Variants in SH3GL2 observed in about 807,000 individuals in gnomAD.
SH3GL2 encodes the protein SH3 domain containing GRB2 like 2, endophilin A1, also known as endophilin-A1.
In SH3GL2, 24 loss-of-function variants were observed where a neutral mutation model predicts 46.0. That is an observed-to-expected ratio of 0.52 (90% CI 0.38 to 0.73). The LOEUF is 0.73. Among genes scored for constraint, SH3GL2 ranks in the 30% least tolerant of loss-of-function variants. The pLI is 0.00. For missense variants in SH3GL2, 413 were observed against 424.2 expected (o/e 0.97, Z 0.23); for synonymous variants, 196 against 147.1 (o/e 1.33, Z -2.40).
intron 6 of SH3GL2, among the ~76,000 whole-genome samples, chr9:17,790,085 G>C (rs940335880): frequency 1.3e-5 from 2 of 152,172 alleles, no homozygotes; most frequent in Non-Finnish European, 2.9e-5. Flanking sequence ...AAGTCCCAGA[G>C]TCCAAAGGCC....
At chr9:17,786,941 G>T (rs1301131585) in intron 4 of SH3GL2, among the ~76,000 whole-genome samples, 2 of 152,136 alleles carry the variant, frequency 1.3e-5, no homozygotes, top group African/African-American at 4.8e-5. Flanking sequence ...TGCCCAAGGT[G>T]AGACATGATT....
intron 1 of SH3GL2, among the ~76,000 whole-genome samples, chr9:17,666,598 T>A (rs1484094538): frequency 6.6e-6 from 1 of 151,354 alleles, no homozygotes. Flanking sequence ...TAAGTTTGCT[T>A]TTTTCATCAG....
At chr9:17,583,553 T>A (rs566114720) in intron 1 of SH3GL2, among the ~76,000 whole-genome samples, 120 of 152,210 alleles carry the variant, frequency 7.9e-4, no homozygotes, top group Non-Finnish European at 1.4e-3. Flanking sequence ...CTGTGAGAAA[T>A]AAATTCTATT....
intron 1 of SH3GL2, chr9:17,735,954 C>G (rs557793600): frequency 4.5e-5 from 7 of 154,488 alleles, no homozygotes; most frequent in African/African-American, 1.7e-4. Context: ...GAAAGCAAGC[C>G]AGGAATTTGT....
intron 1 of SH3GL2, among the ~76,000 whole-genome samples, chr9:17,602,238 C>G (rs1361134748): frequency 6.6e-6 from 1 of 152,076 alleles, no homozygotes; most frequent in Non-Finnish European, 1.5e-5. Context: ...CAGAAATGAT[C>G]TTTATTTTTG....
At chr9:17,681,072 A>T (rs560588161) in intron 1 of SH3GL2, among the ~76,000 whole-genome samples, 3 of 152,162 alleles carry the variant, frequency 2.0e-5, no homozygotes, top group South Asian at 4.2e-4. Context: ...TTTTGGAATA[A>T]GTACAGAACT....
chr9:17,641,725 A>G (rs1819687796), intron 1 of SH3GL2, among the ~76,000 whole-genome samples: 1 of 152,152 alleles, frequency 6.6e-6, no homozygotes, highest in Admixed American at 6.5e-5. Flanking sequence ...TTTGCTGAGA[A>G]TGATGGTTTC....
At chr9:17,776,281 A>T (rs969215580) in intron 3 of SH3GL2, among the ~76,000 whole-genome samples, 3 of 152,150 alleles carry the variant, frequency 2.0e-5, no homozygotes, top group East Asian at 1.9e-4. Flanking sequence ...ATGAAACTTT[A>T]AAAAAAGCAG....
At chr9:17,644,344 C>G (rs1819755886) in intron 1 of SH3GL2, among the ~76,000 whole-genome samples, 1 of 151,926 alleles carries the variant, frequency 6.6e-6, no homozygotes, top group African/African-American at 2.4e-5. Context: ...CTGCTCTGAT[C>G]TTAGTTATTT....
At chr9:17,588,630 C>G (rs1275962920) in intron 1 of SH3GL2, among the ~76,000 whole-genome samples, 2 of 152,150 alleles carry the variant, frequency 1.3e-5, no homozygotes, top group African/African-American at 2.4e-5. Context: ...GACCCACAGC[C>G]TTGAAGAATC....
intron 1 of SH3GL2, among the ~76,000 whole-genome samples, chr9:17,660,897 C>T (rs1477392783): frequency 6.6e-6 from 1 of 152,152 alleles, no homozygotes; most frequent in Non-Finnish European, 1.5e-5. Context: ...CACAGTGGCT[C>T]ACGCCTGTAA....
intron 1 of SH3GL2, among the ~76,000 whole-genome samples, chr9:17,628,449 T>C (rs1019164605): frequency 1.5e-3 from 220 of 144,552 alleles, no homozygotes; most frequent in African/African-American, 5.4e-3. Flanking sequence ...TGTGTGTGTG[T>C]GTGTATGTGC....
chr9:17,737,285 G>C (rs186773005), intron 1 of SH3GL2, among the ~76,000 whole-genome samples: 94 of 151,986 alleles, frequency 6.2e-4, no homozygotes, highest in African/African-American at 2.2e-3. Context: ...AAACCACCAT[G>C]GCACATGTAT....
intron 3 of SH3GL2, among the ~76,000 whole-genome samples, chr9:17,781,604 G>A (rs1292030233): frequency 6.6e-6 from 1 of 152,152 alleles, no homozygotes; most frequent in Non-Finnish European, 1.5e-5. Flanking sequence ...TGCAGGGTAT[G>A]TGTCTATTCA....
intron 1 of SH3GL2, among the ~76,000 whole-genome samples, chr9:17,614,176 G>A (rs1301463882): frequency 6.6e-6 from 1 of 151,488 alleles, no homozygotes; most frequent in African/African-American, 2.4e-5. Flanking sequence ...TCTAGGTGCT[G>A]TAAATTGCTG....
chr9:17,617,380 C>T (rs1197003560), intron 1 of SH3GL2, among the ~76,000 whole-genome samples: 1 of 152,172 alleles, frequency 6.6e-6, no homozygotes, highest in East Asian at 1.9e-4. Flanking sequence ...CCCAGTGCTC[C>T]TTGGAACCCT....
In SH3GL2 at chr9:17,793,394, A is replaced by G. The variant is rs200486111; in HGVS notation, c.756A>G (p.Arg252=). ...TAAGACAGGCTTCATCTCAGCCTAG[A>G]AGGGAATATCAACCTAAACCACGAA... is the stretch of plus-strand genomic sequence containing the variant. The part of the protein sequence containing the change: ...ERIRQASSQP[R]REYQPKPRMS... Residue 252 remains arginine (R), a synonymous_variant, in exon 8 of 9, where the codon AGA becomes AGG. Coordinates refer to ENST00000380607, the MANE Select transcript of SH3GL2 (RefSeq NM_003026.5). 1.8e-5 allele frequency: 29 copies of G among 1,613,196 alleles called. No homozygotes were observed. The East Asian group carries it at 6.2e-4, about 35-fold the overall frequency.
intron 1 of SH3GL2, among the ~76,000 whole-genome samples, chr9:17,669,174 G>A (rs1411615659): frequency 6.6e-6 from 1 of 152,112 alleles, no homozygotes; most frequent in African/African-American, 2.4e-5. Context: ...TCTGTAGTCT[G>A]TATCCAGTTT....
At position 17,602,648 on chromosome 9, in the gene SH3GL2, A is replaced by G. The variant is rs1342744320; in HGVS notation, c.45+23361A>G. ...ATTATTGATTTGCAAAAGAAGGATTATAAACAAAACGCTAACAAGACAGTT... is the reference window on the plus strand; with the variant it reads ...ATTATTGATTTGCAAAAGAAGGATTGTAAACAAAACGCTAACAAGACAGTT... On this transcript the variant is annotated intron_variant, in intron 1 of 8. Transcript: ENST00000380607. Among the ~76,000 whole-genome samples the G allele has an allele frequency of 2.6e-5, 4 of 152,336 alleles. 1 individual carries two copies. The highest frequency in any genetic ancestry group is 4.1e-4 in the South Asian group (2 of 4,830).
Sources: allele counts gnomAD v4.1 joint callset (sites outside exome capture counted in the v4.1 genomes callset), GRCh38; gene constraint gnomAD v4.1.1; transcripts MANE v1.5; gene names NCBI Gene and HGNC (gene_info 2026-07-23, HGNC 2026-07-21).